Variants in SCHIP1 observed in about 807,000 individuals in gnomAD.
SCHIP1 encodes schwannomin interacting protein 1, also known as schwannomin-interacting protein 1.
In SCHIP1, 8 loss-of-function variants were observed where a neutral mutation model predicts 29.7. The observed-to-expected ratio is 0.27, with a 90% CI of 0.16 to 0.49. The LOEUF (loss-of-function observed/expected upper bound fraction) is 0.49, where lower values mean the gene tolerates loss of function less well. Among genes scored for constraint, SCHIP1 ranks in the 20% least tolerant of loss-of-function variants. SCHIP1 has a pLI of 0.99. For missense variants in SCHIP1, 193 were observed against 294.6 expected (o/e 0.66, Z 2.52); for synonymous variants, 76 against 94.9 (o/e 0.80, Z 1.16).
At chr3:159,581,240 C>G in the SCHIP1 span, among the ~76,000 whole-genome samples, 1 of 152,124 alleles carries the variant, frequency 6.6e-6, no homozygotes, top group African/African-American at 2.4e-5. Flanking sequence ...TGGCTAGGGA[C>G]TTCAGGACCC....
At chr3:159,527,999 A>G in the SCHIP1 span, among the ~76,000 whole-genome samples, 1 of 152,244 alleles carries the variant, frequency 6.6e-6, no homozygotes, top group African/African-American at 2.4e-5. Context: ...TTCATCCAAA[A>G]AAATGGTTTC....
the SCHIP1 span, among the ~76,000 whole-genome samples, chr3:159,623,639 A>AAATT: frequency 3.3e-5 from 5 of 150,172 alleles, no homozygotes; most frequent in African/African-American, 1.3e-4. Context: ...ATAAATAAAT[A>AAATT]AACAAAGAGT....
chr3:159,460,808 A>C, the SCHIP1 span, among the ~76,000 whole-genome samples: 1 of 152,148 alleles, frequency 6.6e-6, no homozygotes, highest in Non-Finnish European at 1.5e-5. Flanking sequence ...AATTGGCTGG[A>C]GATAAAATAG....
chr3:159,888,834 T>A (rs1717211300), exon 5 of SCHIP1: 1 of 1,614,040 alleles, frequency 6.2e-7, no homozygotes, highest in Non-Finnish European at 8.5e-7. Flanking sequence ...CACACATGCC[T>A]CATATAAGTG....
chr3:159,565,947 T>C, the SCHIP1 span, among the ~76,000 whole-genome samples: 1 of 152,236 alleles, frequency 6.6e-6, no homozygotes, highest in Non-Finnish European at 1.5e-5. Flanking sequence ...ACTCTATATA[T>C]GTCAGGGCAA....
intron 2 of SCHIP1, among the ~76,000 whole-genome samples, chr3:159,866,613 C>T (rs892310306): frequency 2.8e-4 from 43 of 152,224 alleles, no homozygotes; most frequent in African/African-American, 1.0e-3. Flanking sequence ...AGACATGTGG[C>T]AGACTACCAA....
the SCHIP1 span, among the ~76,000 whole-genome samples, chr3:159,503,682 T>TACCAAATGAACTTCCTTTG: frequency 3.3e-4 from 50 of 152,338 alleles, no homozygotes; most frequent in Non-Finnish European, 6.3e-4. Context: ...CTGAGAATTC[T>TACCAAATGAACTTCCTTTG]ACCAAATGAA....
At chr3:159,469,675 ATT>A in the SCHIP1 span, among the ~76,000 whole-genome samples, 1 of 151,964 alleles carries the variant, frequency 6.6e-6, no homozygotes, top group Non-Finnish European at 1.5e-5. Flanking sequence ...TTATCAAACA[ATT>A]TTCTCTCCCT....
At chr3:159,768,330 T>C in the SCHIP1 span, 2 of 152,014 alleles carry the variant, frequency 1.3e-5, no homozygotes, top group African/African-American at 4.8e-5. Flanking sequence ...GTAGACAGGG[T>C]TTTGTATTGT....
the SCHIP1 span, among the ~76,000 whole-genome samples, chr3:159,447,565 G>A: frequency 6.3e-3 from 961 of 152,246 alleles, 16 homozygotes; most frequent in African/African-American, 0.021. Flanking sequence ...TCCCATTGCC[G>A]TGCCATATGA....
the SCHIP1 span, among the ~76,000 whole-genome samples, chr3:159,626,749 C>A: frequency 6.6e-6 from 1 of 152,042 alleles, no homozygotes; most frequent in East Asian, 1.9e-4. Flanking sequence ...GGTTTGTTGT[C>A]CCCTGATGCA....
At chr3:159,714,477 G>C in the SCHIP1 span, among the ~76,000 whole-genome samples, 5 of 152,220 alleles carry the variant, frequency 3.3e-5, no homozygotes, top group African/African-American at 1.2e-4. Context: ...CAAGAAGTCG[G>C]GGAATTCCCT....
the SCHIP1 span, among the ~76,000 whole-genome samples, chr3:159,798,601 T>C: frequency 6.6e-6 from 1 of 152,078 alleles, no homozygotes; most frequent in South Asian, 2.1e-4. Flanking sequence ...CTACTAAAAA[T>C]GCAAAAATTA....
the SCHIP1 span, among the ~76,000 whole-genome samples, chr3:159,786,078 T>G: frequency 1.3e-5 from 2 of 152,256 alleles, no homozygotes; most frequent in Non-Finnish European, 2.9e-5. Context: ...TACATTTCTT[T>G]CTGTTAATAA....
the SCHIP1 span, among the ~76,000 whole-genome samples, chr3:159,476,221 C>T: frequency 5.9e-5 from 9 of 152,138 alleles, no homozygotes; most frequent in Middle Eastern, 3.4e-3. Context: ...AAATGTTTAA[C>T]GTCAGTTAAG....
the SCHIP1 span, among the ~76,000 whole-genome samples, chr3:159,504,271 G>T: frequency 1.4e-4 from 22 of 152,294 alleles, no homozygotes; most frequent in African/African-American, 4.3e-4. Context: ...GTGAAGAAAT[G>T]ATGTAAGGAG....
the SCHIP1 span, among the ~76,000 whole-genome samples, chr3:159,833,425 G>A: frequency 6.6e-6 from 1 of 152,050 alleles, no homozygotes; most frequent in African/African-American, 2.4e-5. Flanking sequence ...ATGCCTCCCC[G>A]ACTTTTACTT....
chr3:159,442,503 T>G, the SCHIP1 span, among the ~76,000 whole-genome samples: 1 of 152,176 alleles, frequency 6.6e-6, no homozygotes, highest in Non-Finnish European at 1.5e-5. Context: ...AGGCATCCAG[T>G]GGTTTTTTCA....
At chr3:159,274,124 G>A in the SCHIP1 span, 1 of 985,320 alleles carries the variant, frequency 1.0e-6, no homozygotes, top group Non-Finnish European at 1.2e-6. Context: ...CTAAGTTTGA[G>A]TGTTCTTTTT....
Sources: allele counts gnomAD v4.1 joint callset (sites outside exome capture counted in the v4.1 genomes callset), GRCh38; gene constraint gnomAD v4.1.1; transcripts MANE v1.5; gene names NCBI Gene and HGNC (gene_info 2026-07-23, HGNC 2026-07-21).